The following CSMD2 variants were observed in gnomAD, a reference collection of about 807,000 sequenced individuals.
The protein encoded by CSMD2 is CUB and sushi domain-containing protein 2.
Under a neutral mutation model 398.5 loss-of-function variants are expected in CSMD2, and 130 were observed. The observed-to-expected ratio is 0.33, with a 90% CI of 0.28 to 0.38. The LOEUF (loss-of-function observed/expected upper bound fraction) is 0.38. Ranked by LOEUF, CSMD2 falls within the 10% of genes least tolerant of loss-of-function variation. The pLI is 1.00. For missense variants in CSMD2, 3,829 were observed against 4,764.9 expected (o/e 0.80, Z 5.78); for synonymous variants, 1,828 against 1,908.5 (o/e 0.96, Z 1.10).
At chr1:33,914,672 G>A (rs1294776078) in intron 5 of CSMD2, among the ~76,000 whole-genome samples, 7 of 152,128 alleles carry the variant, frequency 4.6e-5, no homozygotes, top group Admixed American at 4.6e-4. Context: ...GATTCCCAAA[G>A]GCTGGACCGG....
chr1:33,668,397 G>C (rs1044043673), intron 25 of CSMD2, among the ~76,000 whole-genome samples: 2 of 152,198 alleles, frequency 1.3e-5, no homozygotes, highest in Non-Finnish European at 2.9e-5. Flanking sequence ...TTAGCTAGGG[G>C]CTGCCACAGG....
chr1:34,067,081 C>G (rs1655198350), intron 2 of CSMD2, among the ~76,000 whole-genome samples: 1 of 152,172 alleles, frequency 6.6e-6, no homozygotes, highest in Non-Finnish European at 1.5e-5. Context: ...AGGGCTGTAA[C>G]AGGCAGCCAG....
At chr1:33,922,268 T>C (rs924069443) in intron 4 of CSMD2, among the ~76,000 whole-genome samples, 6 of 151,960 alleles carry the variant, frequency 3.9e-5, no homozygotes, top group Admixed American at 1.3e-4. Flanking sequence ...CAGACCTGTA[T>C]GGAGCAGGCA....
chr1:33,599,970 C>A, intron 44 of CSMD2: 1 of 600,022 alleles, frequency 1.7e-6, no homozygotes, highest in Non-Finnish European at 3.0e-6. Context: ...AGGCTGGGTT[C>A]TGTTTCCAGT....
chr1:33,663,684 C>A (rs1644217931), intron 25 of CSMD2, among the ~76,000 whole-genome samples: 1 of 152,094 alleles, frequency 6.6e-6, no homozygotes, highest in African/African-American at 2.4e-5. Flanking sequence ...TGGGAGTCTC[C>A]CTGTGTGGGG....
At chr1:34,098,223 T>C (rs1399242752) in intron 1 of CSMD2, among the ~76,000 whole-genome samples, 1 of 127,202 alleles carries the variant, frequency 7.9e-6, no homozygotes, top group African/African-American at 3.0e-5. Context: ...TGAGATCACA[T>C]GGACACAGGA....
chr1:34,089,855 C>T (rs1450773503), intron 1 of CSMD2, among the ~76,000 whole-genome samples: 4 of 152,152 alleles, frequency 2.6e-5, no homozygotes, highest in African/African-American at 7.2e-5. Context: ...AAGACTCTAT[C>T]GTTAAGAAAA....
Position 33,711,356 on chromosome 1 carries a change from G to C in CSMD2, c.3407-2098C>G, listed in dbSNP as rs151225522. Among the ~76,000 whole-genome samples the C allele has an allele frequency of 1.4e-4, 22 of 152,302 alleles. No individual in the cohort carries two copies. The East Asian group carries it at 4.1e-3, about 28-fold the overall frequency. On this transcript the variant is annotated intron_variant, in intron 21 of 70. Transcript: ENST00000373381. ...GTGCAGTGGGATGATCATGGACTTT[G>C]GAGTTAGATACATTGTGTCAACTCA...
intron 58 of CSMD2, among the ~76,000 whole-genome samples, chr1:33,541,863 AT>A (rs1376633225): frequency 6.6e-6 from 1 of 151,998 alleles, no homozygotes; most frequent in Non-Finnish European, 1.5e-5. Context: ...GAGACAATTG[AT>A]TTGTCTGCTG....
intron 24 of CSMD2, 33 bp downstream of exon 24, chr1:33,698,720 C>A (rs771676624): frequency 7.6e-6 from 12 of 1,588,434 alleles, no homozygotes; most frequent in Non-Finnish European, 8.6e-6. Context: ...ATGGGAGACC[C>A]AAGGGTTCCC....
At chr1:33,843,554 C>T (rs1174279486) in intron 6 of CSMD2, among the ~76,000 whole-genome samples, 1 of 152,230 alleles carries the variant, frequency 6.6e-6, no homozygotes, top group Admixed American at 6.5e-5. Context: ...GATTCTTCCC[C>T]TGCCCTTCCA....
chr1:33,892,646 C>G (rs1320607737), intron 5 of CSMD2, among the ~76,000 whole-genome samples: 2 of 152,216 alleles, frequency 1.3e-5, no homozygotes, highest in Non-Finnish European at 2.9e-5. Context: ...GCAAAAGACA[C>G]TATTTCATTC....
intron 1 of CSMD2, among the ~76,000 whole-genome samples, chr1:34,149,765 G>C (rs1233411047): frequency 6.6e-6 from 1 of 152,190 alleles, no homozygotes; most frequent in Non-Finnish European, 1.5e-5. Context: ...CAACCTCTGG[G>C]CTGCTGCACT....
intron 24 of CSMD2, among the ~76,000 whole-genome samples, chr1:33,694,444 G>A (rs552489330): frequency 2.6e-5 from 4 of 152,254 alleles, no homozygotes; most frequent in African/African-American, 9.6e-5. Flanking sequence ...CTGGTGGGAG[G>A]TGACTGGATC....
chr1:34,141,078 TC>T (rs1315683981), intron 1 of CSMD2, among the ~76,000 whole-genome samples: 1 of 151,990 alleles, frequency 6.6e-6, no homozygotes, highest in African/African-American at 2.4e-5. Flanking sequence ...ACTCCTTTCC[TC>T]CCCTGAAAAC....
rs190722101 is a variant in CSMD2 at position 33,950,807 on chromosome 1, G to A, written c.518-14853C>T. ...GGCACAGGTCATATGCATAGAAGAA[G>A]CCTTATGCCATGTCCCTGGGTATCT... is the stretch of plus-strand genomic sequence containing the variant. On this transcript the variant is annotated intron_variant, in intron 3 of 70. Coordinates refer to ENST00000373381, the MANE Select transcript of CSMD2 (RefSeq NM_001281956.2). Among the ~76,000 whole-genome samples, 574 of 152,314 alleles carry A rather than the reference G, an allele frequency of 3.8e-3. 4 individuals are homozygous for A. The highest frequency in any genetic ancestry group is 0.011 in the Admixed American group (164 of 15,300).
chr1:33,761,729 T>C (rs1192407229), intron 13 of CSMD2, among the ~76,000 whole-genome samples: 1 of 152,192 alleles, frequency 6.6e-6, no homozygotes, highest in Non-Finnish European at 1.5e-5. Flanking sequence ...CCATGGTCCA[T>C]TCATGCCTCA....
chr1:33,572,668 C>A lies in CSMD2; in HGVS notation c.7600G>T (p.Ala2534Ser). Residue 2534 changes from alanine to serine, a missense_variant, in exon 50 of 71, where the codon GCC (alanine) becomes TCC (serine). Ala to Ser is a moderately conservative substitution (Grantham distance 99). Coordinates refer to ENST00000373381, the MANE Select transcript of CSMD2 (RefSeq NM_001281956.2). Reference sequence around the variant, plus strand: ...CCAAACACCATTCCATTCTTGGGGGCCTCAGGAAGCCCACAGGAAAGAGCT... The same window carrying A: ...CCAAACACCATTCCATTCTTGGGGGACTCAGGAAGCCCACAGGAAAGAGCT... Reference protein sequence around the residue: ...CQALSCGLPEAPKNGMVFGKE... With the variant: ...CQALSCGLPESPKNGMVFGKE... 1 of 1,612,038 alleles carries A rather than the reference C, an allele frequency of 6.2e-7. No individual in the cohort carries two copies. Among genetic ancestry groups the A allele is most frequent in the Non-Finnish European group, 8.5e-7 (1 of 1,178,640 alleles).
rs572191608 is a variant in CSMD2, at chr1:33,636,826, G to A, written c.4775-272C>T. ...CAGAGGAAGGAGGCCCAGCAAAATC[G>A]CTGAGGCCCTCTCTCATCCCCTGCT... On this transcript the variant is annotated intron_variant, in intron 29 of 70. Transcript: ENST00000373381. This position sits in a 1 kb window ranked among gnomAD's most constrained non-coding sequence, Gnocchi z 4.8. 6.6e-6 allele frequency among the ~76,000 whole-genome samples: 1 copy of A among 152,090 alleles called. No homozygotes were observed. The highest frequency in any genetic ancestry group is 1.5e-5 in the Non-Finnish European group (1 of 68,010).
Sources: allele counts gnomAD v4.1 joint callset (sites outside exome capture counted in the v4.1 genomes callset), GRCh38; gene constraint gnomAD v4.1.1; non-coding constraint Gnocchi (gnomAD v3.1); transcripts MANE v1.5; gene names NCBI Gene and HGNC (gene_info 2026-07-23, HGNC 2026-07-21).